C4BPA: variants seen among roughly 807,000 people sequenced by gnomAD.
The protein encoded by C4BPA is complement component 4 binding protein alpha.
A neutral mutation model predicts 63.7 loss-of-function variants in C4BPA; 31 were observed. That is an observed-to-expected ratio of 0.49 (90% CI 0.37 to 0.66). The LOEUF (loss-of-function observed/expected upper bound fraction) is 0.66. C4BPA is among the 30% of genes least tolerant of loss of function. The probability of loss-of-function intolerance (pLI) is 0.00; values close to 1 mark genes in which losing one functional copy is unlikely to be tolerated. For synonymous variants in C4BPA, 259 were observed against 254.7 expected (o/e 1.02, Z -0.16); for missense variants, 572 against 723.3 (o/e 0.79, Z 2.40).
At chr1:207,142,797 G>A (rs1289264525) in intron 10 of C4BPA, among the ~76,000 whole-genome samples, 1 of 152,118 alleles carries the variant, frequency 6.6e-6, no homozygotes, top group African/African-American at 2.4e-5. Context: ...GGGATTCTGG[G>A]GTCACATACC....
At position 207,141,181 on chromosome 1, in the gene C4BPA, T is replaced by C; in HGVS notation, c.1349T>C (p.Ile450Thr). The change falls in exon 10 of 12, where the codon ATT becomes ACT. Residue 450 changes from isoleucine to threonine, a missense_variant. Physicochemically the swap from Ile to Thr is moderately conservative, Grantham distance 89. Coordinates refer to ENST00000367070, the MANE Select transcript of C4BPA (RefSeq NM_000715.4). ...SSSYSFFKEE[I>T]IYECDKGYIL... is the part of the protein sequence containing the mutation. ...TCATACAGCTTTTTCAAAGAAGAGATTATATATGAATGTGATAAAGGCTAC... is the reference window on the plus strand; with the variant it reads ...TCATACAGCTTTTTCAAAGAAGAGACTATATATGAATGTGATAAAGGCTAC... 6.2e-7 allele frequency: 1 copy of C among 1,613,424 alleles called. No individual in the cohort carries two copies. The highest frequency in any genetic ancestry group is 8.5e-7 in the Non-Finnish European group (1 of 1,179,484).
At chr1:207,112,849 G>T (rs1572775765) in intron 1 of C4BPA, 152 bp from the exon 2 acceptor site, 1 of 632,472 alleles carries the variant, frequency 1.6e-6, no homozygotes, top group Non-Finnish European at 2.6e-6. Context: ...TTACTGTCTT[G>T]TGCTGTAACA....
intron 1 of C4BPA, among the ~76,000 whole-genome samples, chr1:207,106,718 G>A (rs1326340765): frequency 6.6e-6 from 1 of 152,210 alleles, no homozygotes; most frequent in Non-Finnish European, 1.5e-5. Context: ...TGGGATTACA[G>A]GCGTGAGCCA....
chr1:207,124,557 G>C (rs1387288993), intron 6 of C4BPA, among the ~76,000 whole-genome samples, 191 bp downstream of exon 6: 2 of 152,142 alleles, frequency 1.3e-5, no homozygotes, highest in Admixed American at 1.3e-4. Flanking sequence ...ATAAAAATGG[G>C]AGTGGTGAAC....
intron 2 of C4BPA, 76 bp downstream of exon 2, chr1:207,113,243 A>T (rs1477227815): frequency 2.0e-6 from 3 of 1,493,132 alleles, no homozygotes; most frequent in African/African-American, 1.4e-5. Context: ...AAGGCTAAAA[A>T]AAATGATGAC....
At chr1:207,144,287 T>G (rs1023932824) in intron 11 of C4BPA, among the ~76,000 whole-genome samples, 2 of 152,170 alleles carry the variant, frequency 1.3e-5, no homozygotes, top group African/African-American at 4.8e-5. Flanking sequence ...TAATATATTG[T>G]TGTTCCATTT....
intron 2 of C4BPA, 47 bp downstream of exon 2, chr1:207,113,214 C>T (rs1057084377): frequency 6.3e-7 from 1 of 1,583,772 alleles, no homozygotes; most frequent in Non-Finnish European, 8.6e-7. Context: ...CAATGAAGAT[C>T]ATCTGTGCAT....
intron 9 of C4BPA, among the ~76,000 whole-genome samples, chr1:207,139,031 C>T (rs183833810): frequency 6.4e-4 from 97 of 152,226 alleles, no homozygotes; most frequent in Admixed American, 3.3e-4. Flanking sequence ...GATATCCAGA[C>T]GGTCAAGATA....
chr1:207,107,966 G>T lies in C4BPA; in HGVS notation c.-26+3536G>T, dbSNP rs576587498. On this transcript the variant is annotated intron_variant, in intron 1 of 11. Transcript: ENST00000367070. ...TTGGATTTCTAGTCTGGGAGGCTGG[G>T]TGGAGATTGTCACCTTCACTGAGAC... Among the ~76,000 whole-genome samples the T allele has an allele frequency of 2.6e-5, 4 of 152,300 alleles. No homozygotes were observed. In the South Asian group the frequency reaches 8.3e-4, roughly 32 times the overall value.
intron 5 of C4BPA, 47 bp from the exon 6 acceptor site, chr1:207,124,128 A>T (rs1213173335): frequency 6.4e-7 from 1 of 1,573,866 alleles, no homozygotes; most frequent in Non-Finnish European, 8.7e-7. Flanking sequence ...TAGATTTATC[A>T]TGATGCCTTC....
chr1:207,105,545 G>T (rs1227891476), intron 1 of C4BPA, among the ~76,000 whole-genome samples: 2 of 113,788 alleles, frequency 1.8e-5, no homozygotes, highest in African/African-American at 3.6e-5. Flanking sequence ...CAACAAGAGT[G>T]AAACTCCACC....
At chr1:207,117,274 A>C (rs756812008) in intron 4 of C4BPA, among the ~76,000 whole-genome samples, 31 of 152,180 alleles carry the variant, frequency 2.0e-4, no homozygotes, top group Non-Finnish European at 3.5e-4. Context: ...ACACAGGGAG[A>C]CCTTGTCTCT....
intron 4 of C4BPA, among the ~76,000 whole-genome samples, chr1:207,116,145 T>TA (rs1339601117): frequency 6.6e-6 from 1 of 152,208 alleles, no homozygotes; most frequent in Non-Finnish European, 1.5e-5. Flanking sequence ...GCAGAGTATG[T>TA]AAATGTCTGT....
rs952550677 is a variant in C4BPA, at chr1:207,114,001, A to G, written c.143-99A>G. 27 of 1,025,048 alleles carry G rather than the reference A, an allele frequency of 2.6e-5. No individual in the cohort carries two copies. The African/African-American group carries it at 3.7e-4, about 14-fold the overall frequency. The allele number at this position is 1,025,048 out of a possible 1,614,324, so 63.5% of individuals were successfully genotyped here. On this transcript the variant is annotated intron_variant, in intron 2 of 11. Coordinates refer to ENST00000367070, the MANE Select transcript of C4BPA (RefSeq NM_000715.4). ...TTTTCTTGACTAGAGATCATTCTTG[A>G]AAAGAACGATCCCTGCTCTAAACAT... is the stretch of plus-strand genomic sequence containing the variant.
chr1:207,120,086 C>T (rs1018004965), intron 4 of C4BPA, among the ~76,000 whole-genome samples: 1 of 152,104 alleles, frequency 6.6e-6, no homozygotes, highest in Admixed American at 6.6e-5. Context: ...CTCATCTTTA[C>T]CATCACTGTG....
intron 2 of C4BPA, among the ~76,000 whole-genome samples, chr1:207,113,536 A>G (rs1245847850): frequency 2.6e-5 from 4 of 152,204 alleles, no homozygotes; most frequent in African/African-American, 7.2e-5. Flanking sequence ...TTGCAAAAAA[A>G]GCAAAGTTAA....
At chr1:207,109,660 G>C (rs1332208265) in intron 1 of C4BPA, among the ~76,000 whole-genome samples, 4 of 152,210 alleles carry the variant, frequency 2.6e-5, no homozygotes, top group Non-Finnish European at 5.9e-5. Context: ...TGAGGATGAA[G>C]TAAAGGGAGT....
At chr1:207,126,658 TC>T (rs1158313843) in intron 6 of C4BPA, 54 bp from the exon 7 acceptor site, 2 of 1,326,180 alleles carry the variant, frequency 1.5e-6, no homozygotes, top group African/African-American at 2.9e-5. Flanking sequence ...GGCAGTAATA[TC>T]CTTATTACCA....
At chr1:207,110,806 A>G (rs1017163976) in intron 1 of C4BPA, among the ~76,000 whole-genome samples, 1 of 152,186 alleles carries the variant, frequency 6.6e-6, no homozygotes, top group African/African-American at 2.4e-5. Context: ...ATAGTCATGA[A>G]TATTTTTCTG....
Sources: gnomAD v4.1 joint callset for allele counts (sites outside exome capture counted in the v4.1 genomes callset) on GRCh38, gnomAD v4.1.1 for gene constraint, MANE v1.5 for transcripts, NCBI Gene and HGNC (gene_info 2026-07-23, HGNC 2026-07-21) for gene names.